The following ANKRD31 variants were observed in gnomAD, a reference collection of about 807,000 sequenced individuals.
ANKRD31 encodes ankyrin repeat domain 31.
ANKRD31 carries 147 observed loss-of-function variants against 186.0 expected under a neutral mutation model. The ratio of observed to expected loss-of-function variants is 0.79; its 90% CI spans 0.69 to 0.91. ANKRD31 has a LOEUF of 0.91. Among genes scored for constraint, ANKRD31 ranks in the 40% least tolerant of loss-of-function variants. The pLI, the probability that ANKRD31 is intolerant of heterozygous loss-of-function variation, is 0.00. For missense variants in ANKRD31, 1,986 were observed against 2,148.8 expected (o/e 0.92, Z 1.50); for synonymous variants, 673 against 736.4 (o/e 0.91, Z 1.39).
At chr5:75,236,215 T>G (rs899028314) in intron 1 of ANKRD31, among the ~76,000 whole-genome samples, 1 of 152,230 alleles carries the variant, frequency 6.6e-6, no homozygotes. Flanking sequence ...TTCCTAGAAC[T>G]GAGCTACGAG....
chr5:75,155,441 A>T (rs1047799758), intron 11 of ANKRD31, among the ~76,000 whole-genome samples: 1 of 152,204 alleles, frequency 6.6e-6, no homozygotes, highest in African/African-American at 2.4e-5. Flanking sequence ...GCTAAGCAAT[A>T]GTTTACTATG....
chr5:75,081,519 T>A (rs1295449007), intron 24 of ANKRD31, among the ~76,000 whole-genome samples: 1 of 152,158 alleles, frequency 6.6e-6, no homozygotes, highest in Non-Finnish European at 1.5e-5. Flanking sequence ...TATCTAGGGT[T>A]GGAAATGCCT....
At chr5:75,160,868 T>C (rs1169338675) in intron 11 of ANKRD31, among the ~76,000 whole-genome samples, 1 of 152,192 alleles carries the variant, frequency 6.6e-6, no homozygotes, top group African/African-American at 2.4e-5. Context: ...TTCTCTTGGT[T>C]CTCATTCTCT....
chr5:75,134,927 T>G (rs938877953), intron 17 of ANKRD31, among the ~76,000 whole-genome samples: 4 of 152,112 alleles, frequency 2.6e-5, no homozygotes, highest in African/African-American at 7.2e-5. Context: ...CCCATGATTA[T>G]CTCAACAGTT....
chr5:75,165,778 T>A (rs761368720), intron 11 of ANKRD31, among the ~76,000 whole-genome samples: 38 of 152,082 alleles, frequency 2.5e-4, no homozygotes, highest in Admixed American at 7.2e-4. Flanking sequence ...TTTCAACAAA[T>A]AGGAGACATA....
intron 17 of ANKRD31, among the ~76,000 whole-genome samples, chr5:75,134,818 C>T (rs141439237): frequency 0.017 from 2,663 of 152,228 alleles, 41 homozygotes; most frequent in Non-Finnish European, 0.025. Flanking sequence ...GCTTATCCAC[C>T]GTGATCAAGT....
At chr5:75,086,679 C>T (rs1271454203) in intron 23 of ANKRD31, among the ~76,000 whole-genome samples, 3 of 152,118 alleles carry the variant, frequency 2.0e-5, no homozygotes, top group Non-Finnish European at 4.4e-5. Context: ...AAGGCATGTT[C>T]GGTGAGGATA....
At chr5:75,233,206 G>A (rs573971933) in intron 1 of ANKRD31, among the ~76,000 whole-genome samples, 31 of 152,050 alleles carry the variant, frequency 2.0e-4, no homozygotes, top group African/African-American at 7.2e-4. Flanking sequence ...GGGACTACAG[G>A]TGCATGCCAC....
In ANKRD31 at chr5:75,192,789, C is replaced by A; in HGVS notation, c.1299-13G>T. ...CGGATCCTGCATTCTTGAAAAACAACGTATTTTTTAAATGGCTATAACGGT... is the reference window on the plus strand; with the variant it reads ...CGGATCCTGCATTCTTGAAAAACAAAGTATTTTTTAAATGGCTATAACGGT... On this transcript the variant is annotated splice_polypyrimidine_tract_variant and intron_variant, in intron 8 of 25. Transcript: ENST00000506364. 6.6e-7 allele frequency: 1 copy of A among 1,508,516 alleles called. No homozygotes were observed. The highest frequency in any genetic ancestry group is 1.7e-4 in the Middle Eastern group (1 of 5,918). 93.4% of individuals were successfully genotyped at this position (1,508,516 alleles called of 1,614,324 possible).
chr5:75,109,114 G>GAATT (rs1440282777), intron 20 of ANKRD31, among the ~76,000 whole-genome samples: 1 of 152,102 alleles, frequency 6.6e-6, no homozygotes, highest in African/African-American at 2.4e-5. Flanking sequence ...GAGGATGAGA[G>GAATT]AAATTATTCA....
intron 25 of ANKRD31, among the ~76,000 whole-genome samples, chr5:75,072,053 T>G (rs142871731): frequency 5.3e-5 from 8 of 152,358 alleles, no homozygotes; most frequent in Non-Finnish European, 2.9e-5. Flanking sequence ...ATGTAAAGTT[T>G]CCTACAATGT....
At chr5:75,164,574 A>C (rs990649697) in intron 11 of ANKRD31, among the ~76,000 whole-genome samples, 1 of 152,024 alleles carries the variant, frequency 6.6e-6, no homozygotes, top group Admixed American at 6.5e-5. Flanking sequence ...TGGCGAAAGG[A>C]CTGCCAAAGT....
At chr5:75,099,388 TTC>T (rs1165123785) in intron 22 of ANKRD31, among the ~76,000 whole-genome samples, 6 of 152,222 alleles carry the variant, frequency 3.9e-5, no homozygotes, top group African/African-American at 1.4e-4. Flanking sequence ...TGGTCTAAAA[TTC>T]TCTTTTTTTG....
intron 1 of ANKRD31, among the ~76,000 whole-genome samples, chr5:75,235,464 G>A (rs1758209345): frequency 6.6e-6 from 1 of 152,046 alleles, no homozygotes; most frequent in African/African-American, 2.4e-5. Context: ...ATTTATTGAC[G>A]AGTTTCAGTT....
At chr5:75,073,223 G>A (rs960687747) in intron 25 of ANKRD31, among the ~76,000 whole-genome samples, 1 of 151,912 alleles carries the variant, frequency 6.6e-6, no homozygotes, top group Non-Finnish European at 1.5e-5. Context: ...CTTGAGCCCA[G>A]GAGTTTGAGG....
chr5:75,116,713 G>T lies in ANKRD31; in HGVS notation c.4040-32C>A, dbSNP rs1254347702. The T allele has an allele frequency of 2.4e-6, 3 of 1,262,476 alleles. No homozygotes were observed. The African/African-American group carries it at 4.5e-5, about 19-fold the overall frequency. The allele number at this position is 1,262,476 out of a possible 1,614,324, so 78.2% of individuals were successfully genotyped here. On this transcript the variant is annotated intron_variant, in intron 18 of 25. Coordinates refer to ENST00000506364, the MANE Select transcript of ANKRD31 (RefSeq NM_001372053.1). ...AAAGTAAAATTAGAAAATATAATAA[G>T]AATGTGCAAAAATATAGTTTCATTT... is the stretch of plus-strand genomic sequence containing the variant.
chr5:75,135,473 C>A (rs1175976482), intron 17 of ANKRD31, among the ~76,000 whole-genome samples: 1 of 152,104 alleles, frequency 6.6e-6, no homozygotes, highest in Admixed American at 6.5e-5. Context: ...TGTGAAGGGC[C>A]TCTTCAAGGA....
rs1755416413 is a variant in ANKRD31 at position 75,195,719 on chromosome 5, C to G, written c.929G>C (p.Gly310Ala). Residue 310 changes from glycine (G) to alanine (A), a missense_variant, in exon 7 of 26, where the codon GGA becomes GCA. Coordinates refer to ENST00000506364, the MANE Select transcript of ANKRD31 (RefSeq NM_001372053.1). ...ATTTCTGGCAATGAGACTGCTACCTCCCTCTTTTCTGTGACAGATGGTTTC... is the reference window on the plus strand; with the variant it reads ...ATTTCTGGCAATGAGACTGCTACCTGCCTCTTTTCTGTGACAGATGGTTTC... ...KVETICHRKE[G>A]GSSLIARNEC... is the part of the protein sequence containing the mutation. The G allele has an allele frequency of 3.3e-6, 5 of 1,537,420 alleles. No homozygotes were observed. Among genetic ancestry groups the G allele is most frequent in the Non-Finnish European group, 3.5e-6 (4 of 1,146,874 alleles).
rs1028934579 is a variant in ANKRD31 at position 75,192,676 on chromosome 5, C to G, written c.1399G>C (p.Gly467Arg). 15 of 1,522,944 alleles carry G rather than the reference C, an allele frequency of 9.8e-6. No homozygotes were observed. Among genetic ancestry groups the G allele is most frequent in the African/African-American group, 2.8e-5 (2 of 72,032 alleles). 94.3% of individuals were successfully genotyped at this position (1,522,944 alleles called of 1,614,324 possible). Reference sequence around the variant, plus strand: ...TCAAAATATGCATCACCTTTTTTTCCTGAAAATTGTTCATTTTTCCTGATC... The same window carrying G: ...TCAAAATATGCATCACCTTTTTTTCGTGAAAATTGTTCATTTTTCCTGATC... ...KQIRKNEQFSGKKEKMKVNKI... is the reference protein window; with the variant it reads ...KQIRKNEQFSRKKEKMKVNKI... The change falls in exon 9 of 26, where the codon GGA (glycine) becomes CGA (arginine). Residue 467 changes from glycine (G) to arginine (R), a missense_variant. Gly to Arg is a moderately radical substitution (Grantham distance 125). Coordinates refer to ENST00000506364, the MANE Select transcript of ANKRD31 (RefSeq NM_001372053.1).
Sources: gnomAD v4.1 joint callset for allele counts (sites outside exome capture counted in the v4.1 genomes callset) on GRCh38, gnomAD v4.1.1 for gene constraint, MANE v1.5 for transcripts, NCBI Gene and HGNC (gene_info 2026-07-23, HGNC 2026-07-21) for gene names.